The following ANKHD1 variants were observed in gnomAD, a reference collection of about 807,000 sequenced individuals.
ANKHD1 encodes the protein ankyrin repeat and KH domain containing 1, also known as ankyrin repeat and KH domain-containing protein 1.
In ANKHD1, 31 loss-of-function variants were observed where a neutral mutation model predicts 230.5. The observed-to-expected ratio is 0.13, with a 90% CI of 0.10 to 0.18. ANKHD1 has a LOEUF of 0.18. Ranked by LOEUF, ANKHD1 falls within the 10% of genes least tolerant of loss-of-function variation. The probability of loss-of-function intolerance (pLI) is 1.00; values close to 1 mark genes in which losing one functional copy is unlikely to be tolerated. For missense variants in ANKHD1, 2,256 were observed against 3,071.3 expected (o/e 0.73, Z 6.27); for synonymous variants, 1,074 against 1,117.6 (o/e 0.96, Z 0.78).
At chr5:140,510,317 T>C in intron 22 of ANKHD1, 136 bp downstream of exon 22, 76 of 1,277,736 alleles carry the variant, frequency 5.9e-5, no homozygotes, top group South Asian at 7.9e-5. Flanking sequence ...TTCTTTTTTT[T>C]TTTTTTTTTT....
chr5:140,446,028 A>G (rs1774252709), intron 6 of ANKHD1, 53 bp downstream of exon 6: 2 of 1,472,654 alleles, frequency 1.4e-6, no homozygotes, highest in Non-Finnish European at 1.8e-6. Context: ...CACTTTGATT[A>G]TTTGAGTATT....
At chr5:140,415,299 C>A (rs1203467768) in intron 1 of ANKHD1, among the ~76,000 whole-genome samples, 5 of 151,222 alleles carry the variant, frequency 3.3e-5, no homozygotes, top group African/African-American at 1.2e-4. Context: ...AGGAGAATTG[C>A]TGAACCTGGG....
chr5:140,402,356 C>G (rs1430695039), intron 1 of ANKHD1, 83 bp downstream of exon 1: 2 of 1,374,126 alleles, frequency 1.5e-6, no homozygotes, highest in Non-Finnish European at 1.9e-6. Flanking sequence ...GCCATCCTCC[C>G]GCTTCCCTGG....
chr5:140,428,845 C>T (rs910620102), intron 1 of ANKHD1, among the ~76,000 whole-genome samples: 1 of 151,632 alleles, frequency 6.6e-6, no homozygotes, highest in Non-Finnish European at 1.5e-5. Flanking sequence ...TGCAGTGGCG[C>T]GATCTTGGCT....
Position 140,506,267 on chromosome 5 carries a change from G to A in ANKHD1, c.3408+398G>A, listed in dbSNP as rs1035714758. On this transcript the variant is annotated intron_variant, in intron 18 of 33. Transcript: ENST00000360839. This position sits in a 1 kb window ranked among gnomAD's most constrained non-coding sequence, Gnocchi z 4.7. ...ATGTTCCATATACTTTCTGAGGAAT[G>A]GGTACTTCTGTTAACTTTTATGGGA... 2.0e-5 allele frequency among the ~76,000 whole-genome samples: 3 copies of A among 152,076 alleles called. No homozygotes were observed. Among genetic ancestry groups the A allele is most frequent in the African/African-American group, 7.2e-5 (3 of 41,396 alleles).
intron 1 of ANKHD1, among the ~76,000 whole-genome samples, chr5:140,414,550 G>A (rs1165828616): frequency 1.3e-5 from 2 of 152,098 alleles, no homozygotes; most frequent in Non-Finnish European, 2.9e-5. Context: ...TTGTATTGCC[G>A]ATTAGGCACA....
chr5:140,414,643 G>A (rs998787751), intron 1 of ANKHD1, among the ~76,000 whole-genome samples: 1 of 151,990 alleles, frequency 6.6e-6, no homozygotes, highest in African/African-American at 2.4e-5. Flanking sequence ...ACCAGCCTGG[G>A]CAATATAGGG....
chr5:140,513,040 A>G, intron 23 of ANKHD1, 117 bp downstream of exon 23: 1 of 1,012,858 alleles, frequency 9.9e-7, no homozygotes, highest in Non-Finnish European at 1.4e-6. Context: ...TGATCTCTTT[A>G]TGCGTTTGTT....
chr5:140,427,815 C>T lies in ANKHD1; in HGVS notation c.307-8289C>T, dbSNP rs559701862. The stretch of plus-strand genomic sequence containing the variant: ...CCTCCCGGACAGGGTGGCTGCCGGG[C>T]GGAGACGTTCCTCACTTCCCAGACG... On this transcript the variant is annotated intron_variant, in intron 1 of 33. Transcript: ENST00000360839. 3.9e-3 allele frequency among the ~76,000 whole-genome samples: 593 copies of T among 151,754 alleles called. 1 individual carries two copies. Among genetic ancestry groups the T allele is most frequent in the South Asian group, 5.8e-3 (28 of 4,816 alleles).
chr5:140,487,315 C>A lies in ANKHD1; in HGVS notation c.2245+255C>A, dbSNP rs115248458. On this transcript the variant is annotated intron_variant, in intron 14 of 33. Coordinates refer to ENST00000360839, the MANE Select transcript of ANKHD1 (RefSeq NM_017747.3). ...CAGATGAAAACACTTAAGAAACAAG[C>A]CAAGTTCTTGATTATATTTAAGTAA... Among the ~76,000 whole-genome samples the A allele has an allele frequency of 9.8e-4, 149 of 152,184 alleles. 1 individual carries two copies. The highest frequency in any genetic ancestry group is 6.7e-3 in the Admixed American group (102 of 15,270).
chr5:140,498,602 T>C (rs1418604586), intron 15 of ANKHD1, among the ~76,000 whole-genome samples: 1 of 152,218 alleles, frequency 6.6e-6, no homozygotes, highest in Non-Finnish European at 1.5e-5. Context: ...ATTAACTTTG[T>C]ATTATTAGCA....
chr5:140,450,122 T>A (rs747961919), intron 7 of ANKHD1, among the ~76,000 whole-genome samples: 13 of 152,180 alleles, frequency 8.5e-5, no homozygotes, highest in Non-Finnish European at 1.5e-4. Context: ...CTGATAAGTA[T>A]TTAAGACAGA....
At chr5:140,493,879 A>T (rs1442861826) in intron 14 of ANKHD1, among the ~76,000 whole-genome samples, 2 of 151,998 alleles carry the variant, frequency 1.3e-5, no homozygotes, top group Non-Finnish European at 2.9e-5. Flanking sequence ...TCAAAATTCT[A>T]CTCTTATTTT....
chr5:140,534,176 A>G (rs1445125831), intron 29 of ANKHD1, among the ~76,000 whole-genome samples: 1 of 152,160 alleles, frequency 6.6e-6, no homozygotes, highest in Admixed American at 6.5e-5. Flanking sequence ...GTGGATCATG[A>G]GGTCAGGAGA....
chr5:140,510,309 C>CTTTTCTT, intron 22 of ANKHD1, 128 bp downstream of exon 22: 1 of 539,196 alleles, frequency 1.9e-6, no homozygotes, highest in South Asian at 4.3e-5. Flanking sequence ...TCTTTCCATT[C>CTTTTCTT]TTTTTTTTTT....
At chr5:140,538,325 G>A in intron 32 of ANKHD1, 64 bp downstream of exon 32, 1 of 1,575,074 alleles carries the variant, frequency 6.3e-7, no homozygotes, top group East Asian at 2.2e-5. Flanking sequence ...TCACATTAAG[G>A]AATACCTTGT....
rs763476685 is a variant in ANKHD1, at chr5:140,535,472, G to T, written c.6961G>T (p.Val2321Phe). Reference protein sequence around the residue: ...TRVFLQGPAPVGTPSFNRQHF... With the variant: ...TRVFLQGPAPFGTPSFNRQHF... ...GGTTTTCCTGCAAGGGCCAGCTCCT[G>T]TTGGGACTCCTAGTTTCAACAGACA... is the stretch of plus-strand genomic sequence containing the variant. The change falls in exon 30 of 34, where the codon GTT becomes TTT. Residue 2321 changes from valine (V) to phenylalanine (F), a missense_variant. Val to Phe is a conservative substitution (Grantham distance 50). Coordinates refer to ENST00000360839, the MANE Select transcript of ANKHD1 (RefSeq NM_017747.3). 6.2e-7 allele frequency: 1 copy of T among 1,613,590 alleles called. No individual in the cohort carries two copies. Among genetic ancestry groups the T allele is most frequent in the South Asian group, 1.1e-5 (1 of 91,008 alleles).
chr5:140,535,777 C>G, intron 30 of ANKHD1: 1 of 405,278 alleles, frequency 2.5e-6, no homozygotes, highest in South Asian at 5.2e-5. Context: ...AGGTACTAGG[C>G]TGGGTGCAGT....
At chr5:140,514,355 A>C (rs1453376163) in intron 24 of ANKHD1, among the ~76,000 whole-genome samples, 1 of 151,502 alleles carries the variant, frequency 6.6e-6, no homozygotes, top group East Asian at 2.0e-4. Flanking sequence ...TTAGCCAGGC[A>C]TGGTGGCAGG....
Sources: gnomAD v4.1 joint callset for allele counts (sites outside exome capture counted in the v4.1 genomes callset) on GRCh38, gnomAD v4.1.1 for gene constraint, Gnocchi (gnomAD v3.1) non-coding constraint, MANE v1.5 for transcripts, NCBI Gene and HGNC (gene_info 2026-07-23, HGNC 2026-07-21) for gene names.